LRRTM4: variants seen among roughly 807,000 people sequenced by gnomAD.
LRRTM4 encodes leucine rich repeat transmembrane neuronal 4.
Under a neutral mutation model 47.6 loss-of-function variants are expected in LRRTM4, and 25 were observed. The observed-to-expected ratio is 0.53, with a 90% CI of 0.38 to 0.73. The LOEUF (loss-of-function observed/expected upper bound fraction) is 0.73. Ranked by LOEUF, LRRTM4 falls within the 30% of genes least tolerant of loss-of-function variation. The probability of loss-of-function intolerance (pLI) is 0.00; values close to 1 mark genes in which losing one functional copy is unlikely to be tolerated. For synonymous variants in LRRTM4, 311 were observed against 269.5 expected (o/e 1.15, Z -1.51); for missense variants, 638 against 713.4 (o/e 0.89, Z 1.20).
intron 3 of LRRTM4, among the ~76,000 whole-genome samples, chr2:77,336,164 A>AAAGGAAGGAAGG (rs771537486): frequency 2.0e-5 from 3 of 148,610 alleles, no homozygotes; most frequent in Non-Finnish European, 4.5e-5. Flanking sequence ...AGGGAGAAAG[A>AAAGGAAGGAAGG]AAGGAAGGAA....
chr2:77,360,552 A>T (rs1484165084), intron 3 of LRRTM4, among the ~76,000 whole-genome samples: 1,091 of 79,648 alleles, frequency 0.014, 9 homozygotes, highest in Middle Eastern at 0.033. Flanking sequence ...AATCATTCAT[A>T]CATACATACA....
intron 3 of LRRTM4, among the ~76,000 whole-genome samples, chr2:77,408,351 TG>T (rs1674292110): frequency 6.6e-6 from 1 of 152,162 alleles, no homozygotes; most frequent in Admixed American, 6.5e-5. Context: ...ATATTTATCA[TG>T]GTTTAAGATA....
At chr2:77,238,219 G>A (rs752852885) in intron 3 of LRRTM4, among the ~76,000 whole-genome samples, 1 of 151,924 alleles carries the variant, frequency 6.6e-6, no homozygotes. Flanking sequence ...ATTATTTTAC[G>A]ATCTATATGT....
chr2:77,445,106 C>A (rs1444743990), intron 3 of LRRTM4, among the ~76,000 whole-genome samples: 1 of 151,862 alleles, frequency 6.6e-6, no homozygotes, highest in South Asian at 2.1e-4. Context: ...TTCTATAAGG[C>A]AATTGTGTAT....
chr2:76,817,751 C>T (rs1670941330), intron 3 of LRRTM4, among the ~76,000 whole-genome samples: 1 of 151,952 alleles, frequency 6.6e-6, no homozygotes, highest in Non-Finnish European at 1.5e-5. Context: ...TTAAAATATG[C>T]TTAAATGGTC....
intron 3 of LRRTM4, among the ~76,000 whole-genome samples, chr2:76,948,736 T>G (rs1675404968): frequency 6.6e-6 from 1 of 151,856 alleles, no homozygotes. Context: ...TAATAATGAT[T>G]TGCCACAAGT....
At chr2:76,906,879 C>T (rs1673859468) in intron 3 of LRRTM4, among the ~76,000 whole-genome samples, 1 of 151,540 alleles carries the variant, frequency 6.6e-6, no homozygotes, top group South Asian at 2.1e-4. Context: ...GAGACTTAGA[C>T]TCCCACACAA....
chr2:77,484,443 A>T (rs1316227053), intron 3 of LRRTM4, among the ~76,000 whole-genome samples: 2 of 152,226 alleles, frequency 1.3e-5, no homozygotes, highest in Non-Finnish European at 1.5e-5. Context: ...AGGAATAATT[A>T]TACCTTTGAG....
At chr2:77,373,000 G>C (rs1195825975) in intron 3 of LRRTM4, among the ~76,000 whole-genome samples, 1 of 148,992 alleles carries the variant, frequency 6.7e-6, no homozygotes, top group East Asian at 2.0e-4. Context: ...ACCAGATTTA[G>C]GATACTCTGG....
chr2:76,893,874 T>C (rs988138453), intron 3 of LRRTM4, among the ~76,000 whole-genome samples: 3 of 151,900 alleles, frequency 2.0e-5, no homozygotes, highest in Non-Finnish European at 4.4e-5. Flanking sequence ...GTGCATTTTA[T>C]TTGTACATGT....
chr2:77,364,565 T>G (rs1046051685), intron 3 of LRRTM4, among the ~76,000 whole-genome samples: 1 of 152,020 alleles, frequency 6.6e-6, no homozygotes, highest in Admixed American at 6.6e-5. Flanking sequence ...TGAATTCCTA[T>G]TGCATCCTCT....
intron 3 of LRRTM4, among the ~76,000 whole-genome samples, chr2:77,042,378 C>A (rs1356516458): frequency 6.6e-6 from 1 of 151,592 alleles, no homozygotes; most frequent in Non-Finnish European, 1.5e-5. Flanking sequence ...CAATGTTACA[C>A]TTTTCTGTAC....
At chr2:77,490,335 GAA>G (rs2104043384) in intron 3 of LRRTM4, among the ~76,000 whole-genome samples, 1 of 152,010 alleles carries the variant, frequency 6.6e-6, no homozygotes, top group South Asian at 2.1e-4. Flanking sequence ...AAATGAAAAA[GAA>G]AAGTGTTATA....
At chr2:77,515,126 T>C (rs1201812932) in intron 3 of LRRTM4, among the ~76,000 whole-genome samples, 3 of 151,832 alleles carry the variant, frequency 2.0e-5, no homozygotes, top group Non-Finnish European at 4.4e-5. Context: ...ACTCAAAGTA[T>C]GATTAGGATG....
At chr2:76,971,839 G>A (rs976606118) in intron 3 of LRRTM4, among the ~76,000 whole-genome samples, 14 of 151,484 alleles carry the variant, frequency 9.2e-5, no homozygotes, top group African/African-American at 2.4e-4. Context: ...CAAAATATAC[G>A]GACAAAACAT....
chr2:76,829,650 A>C (rs1459024847), intron 3 of LRRTM4, among the ~76,000 whole-genome samples: 1 of 151,978 alleles, frequency 6.6e-6, no homozygotes, highest in African/African-American at 2.4e-5. Flanking sequence ...TTGTTAAATA[A>C]ATGTATGTGG....
At chr2:77,416,548 T>A (rs1674642251) in intron 3 of LRRTM4, among the ~76,000 whole-genome samples, 1 of 152,066 alleles carries the variant, frequency 6.6e-6, no homozygotes, top group South Asian at 2.1e-4. Context: ...ACAAATTCAT[T>A]CTCAATTTAA....
Position 77,079,004 on chromosome 2 carries a change from A to G in LRRTM4, c.1552-330088T>C, listed in dbSNP as rs114895122. 4.5e-3 allele frequency among the ~76,000 whole-genome samples: 691 copies of G among 152,232 alleles called. 4 individuals carry two copies. Among genetic ancestry groups the G allele is most frequent in the African/African-American group, 0.016 (657 of 41,522 alleles). On this transcript the variant is annotated intron_variant, in intron 3 of 3. Transcript: ENST00000409884. Reference sequence around the variant, plus strand: ...TGAGCCTATTTTATAAGAGCATCAAATGCATTCATATAAGGACTAAGGCCT... The same window carrying G: ...TGAGCCTATTTTATAAGAGCATCAAGTGCATTCATATAAGGACTAAGGCCT...
At position 76,821,275 on chromosome 2, in the gene LRRTM4, A is replaced by G. The variant is rs368005713; in HGVS notation, c.1552-72359T>C. Among the ~76,000 whole-genome samples the G allele has an allele frequency of 1.1e-4, 17 of 151,856 alleles. No homozygotes were observed. In the East Asian group the frequency reaches 3.3e-3, roughly 29 times the overall value. On this transcript the variant is annotated intron_variant, in intron 3 of 3. Transcript: ENST00000409884. ...TTTATTTAAATGTATCCCAAAACCTAGCTTCAACAACTTGAGAAAAAAATC... is the reference window on the plus strand; with the variant it reads ...TTTATTTAAATGTATCCCAAAACCTGGCTTCAACAACTTGAGAAAAAAATC...
Sources: allele counts gnomAD v4.1 joint callset (sites outside exome capture counted in the v4.1 genomes callset), GRCh38; gene constraint gnomAD v4.1.1; transcripts MANE v1.5; gene names NCBI Gene and HGNC (gene_info 2026-07-23, HGNC 2026-07-21).